MPPED2: variants seen among roughly 807,000 people sequenced by gnomAD.
MPPED2 encodes the protein metallophosphoesterase domain containing 2.
A neutral mutation model predicts 33.0 loss-of-function variants in MPPED2; 5 were observed. That is an observed-to-expected ratio of 0.15 (90% CI 0.08 to 0.32). The LOEUF (loss-of-function observed/expected upper bound fraction) is 0.32. MPPED2 is among the 10% of genes least tolerant of loss of function. The probability of loss-of-function intolerance (pLI) is 1.00; values close to 1 mark genes in which losing one functional copy is unlikely to be tolerated. For synonymous variants in MPPED2, 136 were observed against 141.9 expected (o/e 0.96, Z 0.29); for missense variants, 275 against 372.1 (o/e 0.74, Z 2.15).
At chr11:30,565,239 T>G (rs1015033355) in intron 2 of MPPED2, among the ~76,000 whole-genome samples, 11 of 152,130 alleles carry the variant, frequency 7.2e-5, no homozygotes, top group African/African-American at 2.7e-4. Flanking sequence ...CTGTCCCTAA[T>G]GAGATTCCGC....
chr11:30,516,868 C>T (rs1417240335), intron 3 of MPPED2, among the ~76,000 whole-genome samples: 2 of 152,088 alleles, frequency 1.3e-5, no homozygotes, highest in Non-Finnish European at 2.9e-5. Context: ...ATTGAGCAAG[C>T]ATTTTCTTAA....
chr11:30,546,136 A>T (rs1197074653), intron 2 of MPPED2, among the ~76,000 whole-genome samples: 1 of 152,228 alleles, frequency 6.6e-6, no homozygotes, highest in Non-Finnish European at 1.5e-5. Flanking sequence ...GATTCTTAAA[A>T]AGTAAGTTTA....
chr11:30,556,953 T>C (rs1395699698), intron 2 of MPPED2, among the ~76,000 whole-genome samples: 1 of 151,870 alleles, frequency 6.6e-6, no homozygotes, highest in East Asian at 1.9e-4. Flanking sequence ...GTTAGGGCAA[T>C]AAGATGAGGA....
chr11:30,471,397 C>G (rs148183726), intron 4 of MPPED2, among the ~76,000 whole-genome samples: 2 of 152,192 alleles, frequency 1.3e-5, no homozygotes, highest in African/African-American at 2.4e-5. Context: ...CTCTCTCACC[C>G]GGCACATGAG....
At chr11:30,537,232 T>C (rs1289644368) in intron 2 of MPPED2, among the ~76,000 whole-genome samples, 1 of 152,232 alleles carries the variant, frequency 6.6e-6, no homozygotes, top group Non-Finnish European at 1.5e-5. Context: ...CCTCCTTTAA[T>C]TTCTCTGTAG....
At chr11:30,529,389 G>A (rs1024947246) in intron 3 of MPPED2, among the ~76,000 whole-genome samples, 31 of 152,146 alleles carry the variant, frequency 2.0e-4, no homozygotes. Context: ...ATCTTACAAT[G>A]AAAGTATTCT....
At chr11:30,523,816 G>A (rs568970759) in intron 3 of MPPED2, among the ~76,000 whole-genome samples, 2 of 152,066 alleles carry the variant, frequency 1.3e-5, no homozygotes, top group African/African-American at 4.8e-5. Flanking sequence ...CAACAAAGAA[G>A]GATATGCAGA....
At chr11:30,397,838 G>A (rs551763802) in intron 6 of MPPED2, among the ~76,000 whole-genome samples, 2 of 152,178 alleles carry the variant, frequency 1.3e-5, no homozygotes, top group African/African-American at 4.8e-5. Flanking sequence ...TACTAAAAAT[G>A]AAAGCTGTTT....
At chr11:30,435,337 A>G (rs1389936297) in intron 4 of MPPED2, among the ~76,000 whole-genome samples, 1 of 152,180 alleles carries the variant, frequency 6.6e-6, no homozygotes, top group Non-Finnish European at 1.5e-5. Context: ...AAAGCCTTTT[A>G]ACAAGCACAC....
At chr11:30,419,454 T>A (rs1948515424) in intron 4 of MPPED2, among the ~76,000 whole-genome samples, 1 of 152,224 alleles carries the variant, frequency 6.6e-6, no homozygotes, top group African/African-American at 2.4e-5. Context: ...TGAACTGGAA[T>A]AATATATCAA....
intron 4 of MPPED2, among the ~76,000 whole-genome samples, chr11:30,493,073 A>C (rs1277348749): frequency 6.6e-6 from 1 of 152,170 alleles, no homozygotes; most frequent in African/African-American, 2.4e-5. Context: ...TCCTGTACCC[A>C]CTCACCAGTC....
chr11:30,394,590 C>T (rs974768422), intron 6 of MPPED2, among the ~76,000 whole-genome samples: 1 of 152,048 alleles, frequency 6.6e-6, no homozygotes, highest in East Asian at 1.9e-4. Flanking sequence ...TGTGTTTATT[C>T]AACTTTTTAC....
At position 30,580,328 on chromosome 11, in the gene MPPED2, C is replaced by A. The variant is rs1957108087; in HGVS notation, c.46G>T (p.Asp16Tyr). Residue 16 changes from aspartate to tyrosine, a missense_variant, in exon 2 of 7, where the codon GAT becomes TAT. Transcript: ENST00000358117. ...TGGGTGGGGTTTGAGCTGTACTCAT[C>A]CACCGTTATGGTAACTTTGCCTTGA... ...PSQGKVTITV[D>Y]EYSSNPTQAF... 1 of 1,613,934 alleles carries A rather than the reference C, an allele frequency of 6.2e-7. No individual in the cohort carries two copies. The highest frequency in any genetic ancestry group is 8.5e-7 in the Non-Finnish European group (1 of 1,180,016).
chr11:30,560,304 T>C (rs986191868), intron 2 of MPPED2, among the ~76,000 whole-genome samples: 4 of 141,870 alleles, frequency 2.8e-5, no homozygotes, highest in African/African-American at 1.1e-4. Flanking sequence ...ACTAACAAGT[T>C]TTTTTTTTAA....
At chr11:30,479,088 C>T (rs1003937293) in intron 4 of MPPED2, among the ~76,000 whole-genome samples, 6 of 152,050 alleles carry the variant, frequency 3.9e-5, no homozygotes, top group African/African-American at 1.4e-4. Flanking sequence ...GACAAGAAGC[C>T]TCCCTGGTCT....
intron 5 of MPPED2, among the ~76,000 whole-genome samples, 157 bp from the exon 6 acceptor site, chr11:30,414,498 CT>C (rs1231464323): frequency 6.6e-6 from 1 of 152,104 alleles, no homozygotes; most frequent in East Asian, 1.9e-4. Flanking sequence ...AAACTTTTCA[CT>C]CGTCACTTTG....
At chr11:30,438,167 T>C (rs541113477) in intron 4 of MPPED2, among the ~76,000 whole-genome samples, 1 of 152,320 alleles carries the variant, frequency 6.6e-6, no homozygotes, top group South Asian at 2.1e-4. Context: ...GTGTCAGAGA[T>C]GACCAAGAAA....
At chr11:30,532,223 C>A (rs1373742705) in intron 3 of MPPED2, among the ~76,000 whole-genome samples, 1 of 152,196 alleles carries the variant, frequency 6.6e-6, no homozygotes, top group Non-Finnish European at 1.5e-5. Context: ...TCTATCCCAA[C>A]TTGGCTATTA....
chr11:30,408,458 T>C (rs7928173), downstream of MPPED2, among the ~76,000 whole-genome samples: 46,955 of 152,054 alleles, frequency 0.31, 7,587 homozygotes, highest in Middle Eastern at 0.38. Context: ...ATTACAGGCA[T>C]GTGCCACCAC....
Sources: gnomAD v4.1 joint callset for allele counts (sites outside exome capture counted in the v4.1 genomes callset) on GRCh38, gnomAD v4.1.1 for gene constraint, MANE v1.5 for transcripts, NCBI Gene and HGNC (gene_info 2026-07-23, HGNC 2026-07-21) for gene names.